Variants in GAREM1 observed in about 807,000 individuals in gnomAD.
The protein encoded by GAREM1 is GRB2 associated regulator of MAPK1 subtype 1.
In GAREM1, 26 loss-of-function variants were observed where a neutral mutation model predicts 71.3. The observed-to-expected ratio is 0.36, with a 90% CI of 0.27 to 0.51. The LOEUF (loss-of-function observed/expected upper bound fraction) is 0.51, where lower values mean the gene tolerates loss of function less well. Ranked by LOEUF, GAREM1 falls within the 20% of genes least tolerant of loss-of-function variation. GAREM1 has a pLI of 0.95. For missense variants in GAREM1, 1,026 were observed against 1,103.1 expected (o/e 0.93, Z 0.99); for synonymous variants, 440 against 433.2 (o/e 1.02, Z -0.20).
rs930798778 is a variant in GAREM1, at chr18:32,393,002, T to C, written c.155A>G (p.Tyr52Cys). The C allele has an allele frequency of 1.2e-5, 19 of 1,613,764 alleles. No homozygotes were observed. The highest frequency in any genetic ancestry group is 2.2e-5 in the East Asian group (1 of 44,848). ...CTGGCGGCAGGAATGAATCAGCAGATAGTCATTTTCCCGCAGCCCTTCTAC... is the reference window on the plus strand; with the variant it reads ...CTGGCGGCAGGAATGAATCAGCAGACAGTCATTTTCCCGCAGCCCTTCTAC... ...ECVEGLRENDYLLIHSCRQWT... is the reference protein window; with the variant it reads ...ECVEGLRENDCLLIHSCRQWT... Residue 52 changes from tyrosine (Y) to cysteine (C), a missense_variant, in exon 2 of 6, where the codon TAT (tyrosine) becomes TGT (cysteine). Tyr to Cys is a radical substitution (Grantham distance 194). Coordinates refer to ENST00000269209, the MANE Select transcript of GAREM1 (RefSeq NM_001242409.2).
At chr18:32,335,012 C>A (rs2047575910) in intron 2 of GAREM1, among the ~76,000 whole-genome samples, 1 of 152,204 alleles carries the variant, frequency 6.6e-6, no homozygotes, top group South Asian at 2.1e-4. Context: ...CCTTCCTCCT[C>A]AAATATAGCC....
Position 32,270,291 on chromosome 18 carries a change from T to C in GAREM1, c.1659A>G (p.Thr553=), listed in dbSNP as rs766527799. 1 of 1,613,996 alleles carries C rather than the reference T, an allele frequency of 6.2e-7. No individual in the cohort carries two copies. The highest frequency in any genetic ancestry group is 1.1e-5 in the South Asian group (1 of 91,036). Residue 553 remains threonine (T), a synonymous_variant, in exon 5 of 6, where the codon ACA becomes ACG. Coordinates refer to ENST00000269209, the MANE Select transcript of GAREM1 (RefSeq NM_001242409.2). ...LSTSPSIPPR[T]VKPARQQTRS... is the part of the protein sequence containing the mutation. ...GAGTCTGTTGCCGCGCTGGCTTGAC[T>C]GTGCGAGGAGGGATGGAGGGACTGG...
chr18:32,402,871 T>G (rs1359032828), intron 1 of GAREM1, among the ~76,000 whole-genome samples: 1 of 151,972 alleles, frequency 6.6e-6, no homozygotes, highest in East Asian at 1.9e-4. Flanking sequence ...ACCATGTATC[T>G]GTGCTCGTGG....
intron 1 of GAREM1, among the ~76,000 whole-genome samples, chr18:32,393,243 A>G (rs2048220568): frequency 1.3e-5 from 2 of 151,830 alleles, no homozygotes; most frequent in South Asian, 4.2e-4. Flanking sequence ...ATAGAAGTCC[A>G]TAAAAAATGT....
Position 32,287,153 on chromosome 18 carries a change from T to C in GAREM1, c.1444A>G (p.Arg482Gly). The C allele has an allele frequency of 6.2e-7, 1 of 1,614,250 alleles. No individual in the cohort carries two copies. The highest frequency in any genetic ancestry group is 8.5e-7 in the Non-Finnish European group (1 of 1,180,040). ...GCACATTTGGATCGGACAGAACCTC[T>C]AAACTGATCACATCTGTTCTTCTCG... ...LSEKNRCDQF[R>G]GSVRSKCATS... is the part of the protein sequence containing the mutation. Residue 482 changes from arginine to glycine, a missense_variant, in exon 4 of 6, where the codon AGA becomes GGA. Transcript: ENST00000269209. The surrounding 1 kb of genome is among the most constrained non-coding windows in gnomAD (Gnocchi z 5.9).
At chr18:32,275,305 T>C (rs2041524817) in intron 4 of GAREM1, among the ~76,000 whole-genome samples, 1 of 152,200 alleles carries the variant, frequency 6.6e-6, no homozygotes. Flanking sequence ...TTCTATTTAT[T>C]TCCAATGTAA....
intron 1 of GAREM1, among the ~76,000 whole-genome samples, chr18:32,410,452 A>G (rs2144683009): frequency 6.6e-6 from 1 of 152,184 alleles, no homozygotes; most frequent in South Asian, 2.1e-4. Flanking sequence ...GGGCTCAATG[A>G]TTCTCCTGCC....
intron 2 of GAREM1, among the ~76,000 whole-genome samples, chr18:32,341,340 G>A (rs945866173): frequency 1.3e-5 from 2 of 152,108 alleles, no homozygotes; most frequent in African/African-American, 4.8e-5. Context: ...AGTATTCCAC[G>A]GTGTATATGT....
intron 4 of GAREM1, among the ~76,000 whole-genome samples, chr18:32,286,433 G>C (rs904269117): frequency 1.3e-5 from 2 of 151,818 alleles, no homozygotes; most frequent in African/African-American, 4.8e-5. Context: ...TTATAAGTGA[G>C]GCTACTGCCT....
chr18:32,449,629 C>T (rs1238299904), intron 1 of GAREM1, among the ~76,000 whole-genome samples: 1 of 152,166 alleles, frequency 6.6e-6, no homozygotes, highest in Non-Finnish European at 1.5e-5. Flanking sequence ...TGTGCCACTG[C>T]ACTCCAGTCT....
In GAREM1 at chr18:32,428,981, C is replaced by T. The variant is rs2048599978; in HGVS notation, c.122-35946G>A. ...AAAGCCTTAGCAAAATTTACAGTTT[C>T]AAAAACCTTTACAGAATGAATTTAT... On this transcript the variant is annotated intron_variant, in intron 1 of 5. Coordinates refer to ENST00000269209, the MANE Select transcript of GAREM1 (RefSeq NM_001242409.2). Among the ~76,000 whole-genome samples the T allele has an allele frequency of 1.3e-5, 2 of 151,666 alleles. 1 individual carries two copies. The highest frequency in any genetic ancestry group is 4.2e-4 in the South Asian group (2 of 4,812).
rs1049249665 is a variant in GAREM1 at position 32,350,739 on chromosome 18, A to G, written c.263-40416T>C. 1.1e-4 allele frequency among the ~76,000 whole-genome samples: 16 copies of G among 152,288 alleles called. 1 individual carries two copies. The East Asian group carries it at 2.9e-3, about 28-fold the overall frequency. Reference sequence around the variant, plus strand: ...ATTTAGCAAACAATAAATTGTTTTCATTTCTACTGTAGAAACAAACAACCA... The same window carrying G: ...ATTTAGCAAACAATAAATTGTTTTCGTTTCTACTGTAGAAACAAACAACCA... On this transcript the variant is annotated intron_variant, in intron 2 of 5. Coordinates refer to ENST00000269209, the MANE Select transcript of GAREM1 (RefSeq NM_001242409.2).
chr18:32,363,903 T>TACACACACAC (rs151234771), intron 2 of GAREM1, among the ~76,000 whole-genome samples: 6,946 of 142,842 alleles, frequency 0.049, 236 homozygotes, highest in African/African-American at 0.088. Flanking sequence ...GTCAAGGTTA[T>TACACACACAC]ACACACACAC....
intron 1 of GAREM1, among the ~76,000 whole-genome samples, chr18:32,395,673 A>G (rs1043110669): frequency 6.6e-6 from 1 of 152,218 alleles, no homozygotes; most frequent in Non-Finnish European, 1.5e-5. Context: ...GTAATTTTAC[A>G]TTAGAGAAGC....
chr18:32,312,525 A>G (rs1046265587), intron 2 of GAREM1, among the ~76,000 whole-genome samples: 3 of 152,186 alleles, frequency 2.0e-5, no homozygotes, highest in Non-Finnish European at 4.4e-5. Context: ...GCAGAACTGG[A>G]TTGAAGGCAG....
At chr18:32,363,207 C>T (rs1436609914) in intron 2 of GAREM1, among the ~76,000 whole-genome samples, 1 of 144,466 alleles carries the variant, frequency 6.9e-6, no homozygotes, top group African/African-American at 2.7e-5. Flanking sequence ...TTTTCTGTCT[C>T]AAGGCAAAAA....
At chr18:32,273,282 A>G (rs117813569) in intron 4 of GAREM1, among the ~76,000 whole-genome samples, 2 of 152,322 alleles carry the variant, frequency 1.3e-5, no homozygotes, top group Non-Finnish European at 2.9e-5. Context: ...TCATTAGGAA[A>G]CACTTACCTG....
chr18:32,407,985 A>T (rs1045160346), intron 1 of GAREM1, among the ~76,000 whole-genome samples: 13 of 151,716 alleles, frequency 8.6e-5, no homozygotes, highest in South Asian at 4.2e-4. Flanking sequence ...TTTTTTTTTA[A>T]AAAAAAACTA....
chr18:32,281,657 G>A (rs1490729483), intron 4 of GAREM1, among the ~76,000 whole-genome samples: 1 of 152,162 alleles, frequency 6.6e-6, no homozygotes, highest in Non-Finnish European at 1.5e-5. Flanking sequence ...TATCCATAAG[G>A]GAATGTGTTT....
Sources: gnomAD v4.1 joint callset for allele counts (sites outside exome capture counted in the v4.1 genomes callset) on GRCh38, gnomAD v4.1.1 for gene constraint, Gnocchi (gnomAD v3.1) non-coding constraint, MANE v1.5 for transcripts, NCBI Gene and HGNC (gene_info 2026-07-23, HGNC 2026-07-21) for gene names.